FSHR: variants seen among roughly 807,000 people sequenced by gnomAD.
The protein encoded by FSHR is follicle stimulating hormone receptor, also known as follicle-stimulating hormone receptor.
In FSHR, 46 loss-of-function variants were observed where a neutral mutation model predicts 52.1. The observed-to-expected ratio is 0.88, with a 90% confidence interval of 0.70 to 1.13. The LOEUF is 1.13. Ranked by LOEUF, FSHR falls within the 50% of genes most tolerant of loss-of-function variation. The probability of loss-of-function intolerance (pLI) is 0.00; values close to 1 mark genes in which losing one functional copy is unlikely to be tolerated. For missense variants in FSHR, 964 were observed against 834.6 expected (o/e 1.16, Z -1.91); for synonymous variants, 399 against 309.6 (o/e 1.29, Z -3.03).
intron 8 of FSHR, among the ~76,000 whole-genome samples, chr2:48,977,859 T>C (rs895162920): frequency 5.3e-5 from 8 of 152,308 alleles, no homozygotes; most frequent in African/African-American, 1.9e-4. Flanking sequence ...CTGGAACTGG[T>C]GGGCTGGACA....
intron 1 of FSHR, among the ~76,000 whole-genome samples, chr2:49,079,255 C>T (rs1480145873): frequency 6.6e-6 from 1 of 151,882 alleles, no homozygotes; most frequent in African/African-American, 2.4e-5. Flanking sequence ...CAGAAATAAG[C>T]ACATTTATAA....
rs780396558 is a variant in FSHR, at chr2:49,082,493, G to A, written c.153-14203C>T. Among the ~76,000 whole-genome samples, 20 of 152,336 alleles carry A rather than the reference G, an allele frequency of 1.3e-4. No individual in the cohort carries two copies. In the South Asian group the frequency reaches 3.1e-3, roughly 24 times the overall value. On this transcript the variant is annotated intron_variant, in intron 1 of 9. Transcript: ENST00000406846. Reference sequence around the variant, plus strand: ...CACCAGCAACGGAACAAAGCTGGACGGAGAATGAATTTGACGAGCTGAGAG... The same window carrying A: ...CACCAGCAACGGAACAAAGCTGGACAGAGAATGAATTTGACGAGCTGAGAG...
chr2:49,087,751 G>A (rs1365865692), intron 1 of FSHR, among the ~76,000 whole-genome samples: 3 of 152,176 alleles, frequency 2.0e-5, no homozygotes, highest in African/African-American at 7.2e-5. Context: ...AGATGTGGGA[G>A]AGGACTAATA....
intron 2 of FSHR, among the ~76,000 whole-genome samples, chr2:49,038,628 AT>A (rs371147970): frequency 0.45 from 50,254 of 110,696 alleles, 12,705 homozygotes; most frequent in East Asian, 0.5. Flanking sequence ...CTGTCTCAAA[AT>A]AATAATAATA....
chr2:49,064,420 C>G (rs2707279), intron 2 of FSHR, among the ~76,000 whole-genome samples: 152,045 of 152,130 alleles, frequency 1, 75,980 homozygotes, highest in Middle Eastern at 1. Flanking sequence ...TCTCTCTTCT[C>G]CTCTTCTGCC....
chr2:49,123,991 CTT>C (rs1003593467), intron 1 of FSHR, among the ~76,000 whole-genome samples: 1 of 145,710 alleles, frequency 6.9e-6, no homozygotes. Flanking sequence ...GTTTTTCTTT[CTT>C]TTTTTTTTTG....
At chr2:49,032,510 C>G (rs996728110) in intron 2 of FSHR, among the ~76,000 whole-genome samples, 44 of 152,216 alleles carry the variant, frequency 2.9e-4, no homozygotes, top group African/African-American at 9.9e-4. Context: ...CAAGGAGCAT[C>G]TAACTTAACA....
Position 48,968,759 on chromosome 2 carries a change from T to C in FSHR, c.793A>G (p.Met265Val), listed in dbSNP as rs1369921577. ...CTGGGATAGGTGAGGCTGGCTTCCATGAGGGCGACAAGCTTTTCCAGAGTA... is the reference window on the plus strand; with the variant it reads ...CTGGGATAGGTGAGGCTGGCTTCCACGAGGGCGACAAGCTTTTCCAGAGTA... ...LPTLEKLVAL[M>V]EASLTYPSHC... The change falls in exon 9 of 10, where the codon ATG (methionine) becomes GTG (valine). Residue 265 changes from methionine to valine, a missense_variant. Coordinates refer to ENST00000406846, the MANE Select transcript of FSHR (RefSeq NM_000145.4). 8 of 1,614,050 alleles carry C rather than the reference T, an allele frequency of 5.0e-6. No homozygotes were observed. In the African/African-American group the frequency reaches 1.1e-4, roughly 22 times the overall value.
intron 2 of FSHR, among the ~76,000 whole-genome samples, chr2:49,025,342 T>C (rs887701345): frequency 6.6e-6 from 1 of 152,116 alleles, no homozygotes; most frequent in African/African-American, 2.4e-5. Flanking sequence ...TCAGTGAGAG[T>C]AGTATTCTAG....
At chr2:48,965,842 C>G (rs1211794782) in intron 9 of FSHR, among the ~76,000 whole-genome samples, 1 of 152,126 alleles carries the variant, frequency 6.6e-6, no homozygotes, top group Non-Finnish European at 1.5e-5. Context: ...AGAACAGAAA[C>G]AAAAGTGGAA....
intron 4 of FSHR, 77 bp downstream of exon 4, chr2:49,017,412 T>C (rs1466395060): frequency 1.8e-6 from 2 of 1,084,730 alleles, no homozygotes; most frequent in Non-Finnish European, 2.8e-6. Flanking sequence ...CTCCCCAGAG[T>C]ATCAAGTAGG....
chr2:48,998,755 T>C (rs1676133739), intron 4 of FSHR, among the ~76,000 whole-genome samples: 2 of 150,874 alleles, frequency 1.3e-5, no homozygotes, highest in Admixed American at 6.6e-5. Flanking sequence ...CAATGACCTC[T>C]TAAACTAAGG....
At chr2:48,998,989 A>G (rs1474257750) in intron 4 of FSHR, among the ~76,000 whole-genome samples, 1 of 152,086 alleles carries the variant, frequency 6.6e-6, no homozygotes, top group African/African-American at 2.4e-5. Flanking sequence ...TACTTTATCA[A>G]TAAACTTATT....
At chr2:49,151,828 A>C (rs541092358) in intron 1 of FSHR, among the ~76,000 whole-genome samples, 4 of 152,268 alleles carry the variant, frequency 2.6e-5, no homozygotes, top group African/African-American at 7.2e-5. Flanking sequence ...CAGTCTTTTT[A>C]AGGAAGCAAA....
chr2:49,011,513 G>T (rs1667273327), intron 4 of FSHR, among the ~76,000 whole-genome samples: 1 of 152,096 alleles, frequency 6.6e-6, no homozygotes, highest in Admixed American at 6.5e-5. Context: ...CTGTTGATTT[G>T]GGGTGGAGAG....
In FSHR at chr2:49,104,090, A is replaced by C. The variant is rs566508790; in HGVS notation, c.153-35800T>G. On this transcript the variant is annotated intron_variant, in intron 1 of 9. Coordinates refer to ENST00000406846, the MANE Select transcript of FSHR (RefSeq NM_000145.4). ...TCAGTAATCATGCCAGTAAGAGTATAGGAAAGGTCATTATCTAGCAAACTC... is the reference window on the plus strand; with the variant it reads ...TCAGTAATCATGCCAGTAAGAGTATCGGAAAGGTCATTATCTAGCAAACTC... 7.9e-5 allele frequency among the ~76,000 whole-genome samples: 12 copies of C among 152,218 alleles called. No homozygotes were observed. The South Asian group carries it at 1.4e-3, about 18-fold the overall frequency.
chr2:49,116,070 G>A (rs764606350), intron 1 of FSHR, among the ~76,000 whole-genome samples: 4 of 152,132 alleles, frequency 2.6e-5, no homozygotes, highest in Non-Finnish European at 5.9e-5. Context: ...CTGCAAGTAA[G>A]CAAGATCTTG....
chr2:49,029,588 C>T (rs1250674341), intron 2 of FSHR, among the ~76,000 whole-genome samples: 1 of 152,214 alleles, frequency 6.6e-6, no homozygotes, highest in Non-Finnish European at 1.5e-5. Flanking sequence ...TCCCTCAGTA[C>T]ATTTTATACT....
At chr2:49,002,411 C>G (rs1226342548) in intron 4 of FSHR, among the ~76,000 whole-genome samples, 1 of 152,038 alleles carries the variant, frequency 6.6e-6, no homozygotes, top group Admixed American at 6.6e-5. Context: ...CCTTCTCATG[C>G]TGCTATGAAG....
Sources: gnomAD v4.1 joint callset for allele counts (sites outside exome capture counted in the v4.1 genomes callset) on GRCh38, gnomAD v4.1.1 for gene constraint, MANE v1.5 for transcripts, NCBI Gene and HGNC (gene_info 2026-07-23, HGNC 2026-07-21) for gene names.